Variants in CYP20A1 observed in about 807,000 individuals in gnomAD.
CYP20A1 encodes cytochrome P450 family 20 subfamily A member 1.
CYP20A1 carries 61 observed loss-of-function variants against 61.4 expected under a neutral mutation model. That is an observed-to-expected ratio of 0.99 (90% CI 0.81 to 1.23). CYP20A1 has a LOEUF of 1.23. CYP20A1 is among the 50% of genes most tolerant of loss of function. CYP20A1 has a pLI of 0.00. For missense variants in CYP20A1, 530 were observed against 542.4 expected, an observed-to-expected ratio of 0.98 and a Z score of 0.23; for synonymous variants, 193 against 188.2, an observed-to-expected ratio of 1.03 and a Z score of -0.21.
At chr2:203,263,877 G>A (rs1427828185) in intron 4 of CYP20A1, among the ~76,000 whole-genome samples, 1 of 152,098 alleles carries the variant, frequency 6.6e-6, no homozygotes, top group Non-Finnish European at 1.5e-5. Flanking sequence ...TACTGTTGTT[G>A]ATCTTTTTTA....
intron 4 of CYP20A1, among the ~76,000 whole-genome samples, chr2:203,261,973 C>A (rs1000101987): frequency 1.3e-5 from 2 of 152,062 alleles, no homozygotes; most frequent in Non-Finnish European, 2.9e-5. Flanking sequence ...ACATCTCTTA[C>A]AAAAGCATCC....
At chr2:203,254,765 G>C (rs1559088946) in intron 4 of CYP20A1, among the ~76,000 whole-genome samples, 1 of 152,094 alleles carries the variant, frequency 6.6e-6, no homozygotes, top group South Asian at 2.1e-4. Flanking sequence ...GAGGTGGGTG[G>C]ATCGTTTGAG....
chr2:203,270,393 G>A (rs2067515027), intron 5 of CYP20A1, among the ~76,000 whole-genome samples: 1 of 151,812 alleles, frequency 6.6e-6, no homozygotes, highest in East Asian at 1.9e-4. Flanking sequence ...TGCCCAGACT[G>A]GTCTCAAACT....
At chr2:203,278,436 A>G in intron 6 of CYP20A1, 137 bp from the exon 7 acceptor site, 1 of 481,608 alleles carries the variant, frequency 2.1e-6, no homozygotes. Context: ...GAGTTTAAAC[A>G]TAAATTAGCT....
intron 5 of CYP20A1, among the ~76,000 whole-genome samples, chr2:203,271,549 A>T (rs970433244): frequency 2.0e-5 from 3 of 152,106 alleles, no homozygotes; most frequent in Non-Finnish European, 4.4e-5. Flanking sequence ...TTTGAATTAA[A>T]ATCAGGTTAA....
At position 203,302,206 on chromosome 2, in the gene CYP20A1, C is replaced by T. The variant is rs1424077369; in HGVS notation, c.*5298C>T. ...CCTCCCAAAGTGCTGGGATTACAGG[C>T]ATGGGGCACCATGCCCAGCCCCACT... On this transcript the variant is annotated 3_prime_UTR_variant, in exon 13 of 13. Coordinates refer to ENST00000356079, the MANE Select transcript of CYP20A1 (RefSeq NM_177538.3). Among the ~76,000 whole-genome samples the T allele has an allele frequency of 6.6e-6, 1 of 152,140 alleles. No individual in the cohort carries two copies. Among genetic ancestry groups the T allele is most frequent in the Non-Finnish European group, 1.5e-5 (1 of 68,034 alleles).
chr2:203,248,731 G>A lies in CYP20A1; in HGVS notation c.289+1810G>A, dbSNP rs148825659. On this transcript the variant is annotated intron_variant, in intron 3 of 12. Transcript: ENST00000356079. The stretch of plus-strand genomic sequence containing the variant: ...ATCCCTGCCTTATTCTATTCCCCCC[G>A]CCCCGCCCAGCTTTTGCCCAGGCTA... Among the ~76,000 whole-genome samples, 648 of 151,916 alleles carry A rather than the reference G, an allele frequency of 4.3e-3. 1 individual carries two copies. The highest frequency in any genetic ancestry group is 9.8e-3 in the Admixed American group (149 of 15,238).
chr2:203,252,218 T>A, intron 4 of CYP20A1, 109 bp downstream of exon 4: 1 of 806,432 alleles, frequency 1.2e-6, no homozygotes, highest in Non-Finnish European at 1.8e-6. Flanking sequence ...CCTGTCCCTC[T>A]AAGCTAATTT....
chr2:203,252,567 G>T (rs751874888), intron 4 of CYP20A1, among the ~76,000 whole-genome samples: 2 of 151,920 alleles, frequency 1.3e-5, no homozygotes, highest in Non-Finnish European at 2.9e-5. Flanking sequence ...GCTAATTTTT[G>T]TATTTTTAGT....
At chr2:203,264,859 AGCTG>A (rs1331680283) in intron 4 of CYP20A1, among the ~76,000 whole-genome samples, 1 of 152,032 alleles carries the variant, frequency 6.6e-6, no homozygotes, top group Non-Finnish European at 1.5e-5. Flanking sequence ...CCTCCCAAGT[AGCTG>A]GGACTACAGA....
chr2:203,268,479 G>A (rs922552005), intron 5 of CYP20A1, among the ~76,000 whole-genome samples: 16 of 152,132 alleles, frequency 1.1e-4, no homozygotes, highest in Admixed American at 1.0e-3. Context: ...TATTTCATGA[G>A]TAGATTCAAA....
chr2:203,240,614 A>T (rs968673214), intron 1 of CYP20A1, among the ~76,000 whole-genome samples: 18 of 152,356 alleles, frequency 1.2e-4, no homozygotes, highest in African/African-American at 4.3e-4. Flanking sequence ...AACGCGAAGA[A>T]GGTGAAGGTG....
At chr2:203,287,215 C>CAAAAAAAAAA (rs1168549640) in intron 9 of CYP20A1, among the ~76,000 whole-genome samples, 6 of 47,052 alleles carry the variant, frequency 1.3e-4, no homozygotes, top group African/African-American at 1.8e-4. Context: ...GACCCTATCT[C>CAAAAAAAAAA]AAAAAAAAAA....
intron 4 of CYP20A1, among the ~76,000 whole-genome samples, chr2:203,263,829 A>C (rs770176151): frequency 7.9e-5 from 12 of 152,084 alleles, no homozygotes; most frequent in Non-Finnish European, 1.5e-4. Context: ...GTGTCCCTGC[A>C]TATGGTTGTT....
intron 9 of CYP20A1, 81 bp from the exon 10 acceptor site, chr2:203,289,684 T>A: frequency 1.6e-6 from 1 of 623,470 alleles, no homozygotes. Context: ...GAGCAGTTGT[T>A]GAAGAACGTT....
At position 203,294,941 on chromosome 2, in the gene CYP20A1, A is replaced by ATTTT. The variant is rs1167546590; in HGVS notation, c.1149-1507_1149-1504dup. 7.4e-3 allele frequency among the ~76,000 whole-genome samples: 336 copies of ATTTT among 45,418 alleles called. 40 individuals carry two copies. Among genetic ancestry groups the ATTTT allele is most frequent in the African/African-American group, 0.016 (195 of 11,822 alleles). The allele number at this position is 45,418 out of a possible 152,430, so 29.8% of individuals were successfully genotyped here. A position where few individuals can be genotyped will look rare whatever the true frequency, so the allele number is the denominator to read the frequency against. ...GCCACTGTGCCCAGCCTTTAAAAAA[A>ATTTT]TTTTTTTTTTTTTTTTTTTTTTTTT... On this transcript the variant is annotated intron_variant, in intron 11 of 12. Coordinates refer to ENST00000356079, the MANE Select transcript of CYP20A1 (RefSeq NM_177538.3).
chr2:203,298,907 C>T lies in CYP20A1; in HGVS notation c.*1999C>T, dbSNP rs1394227517. On this transcript the variant is annotated 3_prime_UTR_variant, in exon 13 of 13. Coordinates refer to ENST00000356079, the MANE Select transcript of CYP20A1 (RefSeq NM_177538.3). Reference sequence around the variant, plus strand: ...AAAATTATCTGGACATGCTGGCGTGCGCCTGTAGTCTCAGCTACTTGGGAG... The same window carrying T: ...AAAATTATCTGGACATGCTGGCGTGTGCCTGTAGTCTCAGCTACTTGGGAG... Among the ~76,000 whole-genome samples, 4 of 151,690 alleles carry T rather than the reference C, an allele frequency of 2.6e-5. No homozygotes were observed. Among genetic ancestry groups the T allele is most frequent in the South Asian group, 2.1e-4 (1 of 4,810 alleles).
At chr2:203,272,575 T>TG in intron 5 of CYP20A1, 95 bp from the exon 6 acceptor site, 1 of 379,432 alleles carries the variant, frequency 2.6e-6, no homozygotes, top group Non-Finnish European at 4.4e-6. Flanking sequence ...AAAAAAAGAG[T>TG]TAAAGAGTTC....
In CYP20A1 at chr2:203,298,194, C is replaced by G. The variant is rs1385180245; in HGVS notation, c.*1286C>G. ...CTTGAGCCCAGGAGTTTGAGACCAG[C>G]CCAGGCAACATTGGGAGACCCTGCC... is the stretch of plus-strand genomic sequence containing the variant. On this transcript the variant is annotated 3_prime_UTR_variant, in exon 13 of 13. Coordinates refer to ENST00000356079, the MANE Select transcript of CYP20A1 (RefSeq NM_177538.3). 1 of 155,544 alleles carries G rather than the reference C, an allele frequency of 6.4e-6. No individual in the cohort carries two copies. Among genetic ancestry groups the G allele is most frequent in the East Asian group, 1.8e-4 (1 of 5,664 alleles). The allele number at this position is 155,544 out of a possible 1,614,324, so 9.6% of individuals were successfully genotyped here.
Sources: gnomAD v4.1 joint callset for allele counts (sites outside exome capture counted in the v4.1 genomes callset) on GRCh38, gnomAD v4.1.1 for gene constraint, MANE v1.5 for transcripts, NCBI Gene and HGNC (gene_info 2026-07-23, HGNC 2026-07-21) for gene names.